Variants in ZRANB1 observed in about 807,000 individuals in gnomAD.
ZRANB1 encodes ubiquitin thioesterase ZRANB1.
Under a neutral mutation model 80.5 loss-of-function variants are expected in ZRANB1, and 16 were observed. That is an observed-to-expected ratio of 0.20 (90% CI 0.13 to 0.30). ZRANB1 has a LOEUF of 0.30. Ranked by LOEUF, ZRANB1 falls within the 10% of genes least tolerant of loss-of-function variation. The pLI is 1.00. For missense variants in ZRANB1, 576 were observed against 862.6 expected (o/e 0.67, Z 4.16); for synonymous variants, 291 against 293.1 (o/e 0.99, Z 0.07).
chr10:124,943,716 G>C (rs1376722037), intron 1 of ZRANB1, among the ~76,000 whole-genome samples: 1 of 152,136 alleles, frequency 6.6e-6, no homozygotes, highest in Non-Finnish European at 1.5e-5. Context: ...CAGTGGAAAC[G>C]TTTAAGTTAA....
chr10:124,939,957 A>G (rs139810040), upstream of ZRANB1, among the ~76,000 whole-genome samples: 3 of 104,972 alleles, frequency 2.9e-5, no homozygotes, highest in East Asian at 1.0e-3. Context: ...ATAATTTTAT[A>G]TTACTTGGAT....
At position 124,942,778 on chromosome 10, in the gene ZRANB1, T is replaced by C; in HGVS notation, c.285T>C (p.Tyr95=). Residue 95 remains tyrosine (Y), a synonymous_variant, in exon 1 of 9, where the codon TAT becomes TAC. Transcript: ENST00000359653. ...ANKWSCHMCT[Y]LNWPRAIRCT... is the part of the protein sequence containing the mutation. ...AGTGGTCATGCCACATGTGTACATA[T>C]TTGAACTGGCCAAGAGCAATCAGAT... 2 of 1,614,238 alleles carry C rather than the reference T, an allele frequency of 1.2e-6. No individual in the cohort carries two copies. The highest frequency in any genetic ancestry group is 1.1e-5 in the South Asian group (1 of 91,084).
At position 124,986,746 on chromosome 10, in the gene ZRANB1, T is replaced by C. The variant is rs1290473098; in HGVS notation, c.*1754T>C. On this transcript the variant is annotated 3_prime_UTR_variant, in exon 9 of 9. Transcript: ENST00000359653. ...CTTAGCATCTGTAGTAATTTCTCTATGTATAGGGATAATTTTTTAGTGGGC... is the reference window on the plus strand; with the variant it reads ...CTTAGCATCTGTAGTAATTTCTCTACGTATAGGGATAATTTTTTAGTGGGC... The C allele has an allele frequency of 1.3e-5, 2 of 152,202 alleles. No individual in the cohort carries two copies. The highest frequency in any genetic ancestry group is 6.5e-5 in the Admixed American group (1 of 15,280). 9.4% of individuals were successfully genotyped at this position (152,202 alleles called of 1,614,324 possible). A position where few individuals can be genotyped will look rare whatever the true frequency, so the allele number is the denominator to read the frequency against.
chr10:124,963,537 G>GTT (rs371266873), intron 1 of ZRANB1, among the ~76,000 whole-genome samples: 13 of 93,450 alleles, frequency 1.4e-4, no homozygotes, highest in Non-Finnish European at 2.3e-4. Context: ...ATATTGTAAG[G>GTT]TTTTTTTTTT....
chr10:124,973,813 T>G, intron 4 of ZRANB1, 97 bp downstream of exon 4: 1 of 1,045,214 alleles, frequency 9.6e-7, no homozygotes, highest in Admixed American at 2.4e-5. Context: ...GTCAACTTGC[T>G]TTATTTTTAT....
rs1952039190 is a variant in ZRANB1 at position 124,986,289 on chromosome 10, GCGCACACACA to G, written c.*1299_*1308del. The G allele has an allele frequency of 4.6e-5, 5 of 108,438 alleles. No individual in the cohort carries two copies. The highest frequency in any genetic ancestry group is 1.8e-4 in the African/African-American group (5 of 27,626). 6.7% of individuals were successfully genotyped at this position (108,438 alleles called of 1,614,324 possible). The stretch of plus-strand genomic sequence containing the variant: ...AAAGACGACACACGCACGCGCGCGC[GCGCACACACA>G]CACACACACACACACACACACACAG... On this transcript the variant is annotated 3_prime_UTR_variant, in exon 9 of 9. Coordinates refer to ENST00000359653, the MANE Select transcript of ZRANB1 (RefSeq NM_017580.3).
At chr10:124,956,586 A>C (rs1480143994) in intron 1 of ZRANB1, among the ~76,000 whole-genome samples, 1 of 152,080 alleles carries the variant, frequency 6.6e-6, no homozygotes, top group Non-Finnish European at 1.5e-5. Context: ...CTTGTGCCTC[A>C]GCCTCCCAAG....
At chr10:124,968,605 G>GT (rs1389227908) in intron 2 of ZRANB1, among the ~76,000 whole-genome samples, 1 of 152,208 alleles carries the variant, frequency 6.6e-6, no homozygotes, top group Non-Finnish European at 1.5e-5. Flanking sequence ...CTGCATTTGT[G>GT]TTGTGGTGCC....
intron 2 of ZRANB1, among the ~76,000 whole-genome samples, chr10:124,971,446 T>TAAC (rs1226712131): frequency 6.6e-6 from 1 of 152,184 alleles, no homozygotes; most frequent in East Asian, 1.9e-4. Context: ...TCAAGAGTGG[T>TAAC]AACAAATGGA....
At chr10:124,974,585 G>C (rs1951858165) in intron 5 of ZRANB1, among the ~76,000 whole-genome samples, 187 bp downstream of exon 5, 1 of 152,198 alleles carries the variant, frequency 6.6e-6, no homozygotes, top group Non-Finnish European at 1.5e-5. Context: ...CCCAAGAAAT[G>C]AGATAAAAGC....
Position 124,960,179 on chromosome 10 carries a change from G to A in ZRANB1, c.815-6415G>A, listed in dbSNP as rs1381281230. Among the ~76,000 whole-genome samples, 3 of 152,234 alleles carry A rather than the reference G, an allele frequency of 2.0e-5. 1 individual carries two copies. The South Asian group carries it at 6.2e-4, about 32-fold the overall frequency. ...ACTTTTGGGGATGGATGCTTGTGGGGCTGTGAGTGTCTACAGAAGCCATGA... is the reference window on the plus strand; with the variant it reads ...ACTTTTGGGGATGGATGCTTGTGGGACTGTGAGTGTCTACAGAAGCCATGA... On this transcript the variant is annotated intron_variant, in intron 1 of 8. Coordinates refer to ENST00000359653, the MANE Select transcript of ZRANB1 (RefSeq NM_017580.3).
chr10:124,974,455 T>A lies in ZRANB1; in HGVS notation c.1427+57T>A, dbSNP rs996345292. 1.9e-6 allele frequency: 3 copies of A among 1,564,838 alleles called. No homozygotes were observed. The African/African-American group carries it at 4.1e-5, about 21-fold the overall frequency. Reference sequence around the variant, plus strand: ...GGAGTGCATTTGCTGGATTATTTCCTTGTAGTGGTGGGATACTTTTTATGT... The same window carrying A: ...GGAGTGCATTTGCTGGATTATTTCCATGTAGTGGTGGGATACTTTTTATGT... On this transcript the variant is annotated intron_variant, in intron 5 of 8. Coordinates refer to ENST00000359653, the MANE Select transcript of ZRANB1 (RefSeq NM_017580.3).
At chr10:124,975,093 C>T (rs944854084) in intron 5 of ZRANB1, among the ~76,000 whole-genome samples, 17 of 152,206 alleles carry the variant, frequency 1.1e-4, no homozygotes, top group African/African-American at 3.9e-4. Context: ...GCTGCCGCAC[C>T]CAGCCTTATT....
rs1038257349 is a variant in ZRANB1, at chr10:124,974,146, A to G, written c.1229-54A>G. 3.8e-6 allele frequency: 6 copies of G among 1,573,892 alleles called. No homozygotes were observed. The African/African-American group carries it at 8.1e-5, about 21-fold the overall frequency. On this transcript the variant is annotated intron_variant, in intron 4 of 8. Transcript: ENST00000359653. ...AAAATAGGTTCTTCTCCCCATGAGTATTCTCTAATGACATAGGTATGGAAA... is the reference window on the plus strand; with the variant it reads ...AAAATAGGTTCTTCTCCCCATGAGTGTTCTCTAATGACATAGGTATGGAAA...
In ZRANB1 at chr10:124,946,834, A is replaced by G. The variant is rs74160980; in HGVS notation, c.814+3527A>G. ...AGAAGTTCACATGTACTCAAAATTA[A>G]TCTTTACGTCCCTTTTCTGCCTGCC... is the stretch of plus-strand genomic sequence containing the variant. On this transcript the variant is annotated intron_variant, in intron 1 of 8. Transcript: ENST00000359653. 3.5e-3 allele frequency among the ~76,000 whole-genome samples: 537 copies of G among 152,326 alleles called. 2 individuals are homozygous for G. The highest frequency in any genetic ancestry group is 0.012 in the African/African-American group (499 of 41,562).
intron 1 of ZRANB1, among the ~76,000 whole-genome samples, chr10:124,946,712 A>C (rs1951587723): frequency 6.6e-6 from 1 of 152,156 alleles, no homozygotes; most frequent in Non-Finnish European, 1.5e-5. Context: ...CCATATTCTG[A>C]TGTGTAAACA....
chr10:124,922,300 A>AAT, the ZRANB1 span, among the ~76,000 whole-genome samples: 752 of 24,750 alleles, frequency 0.03, 18 homozygotes, highest in Non-Finnish European at 0.12. Context: ...ATATATGTAA[A>AAT]ATATATATAT....
intron 6 of ZRANB1, 98 bp downstream of exon 6, chr10:124,981,927 A>G: frequency 6.8e-7 from 1 of 1,463,234 alleles, no homozygotes; most frequent in Non-Finnish European, 9.4e-7. Flanking sequence ...AATGTGGTCA[A>G]AGAAAAGAAT....
the ZRANB1 span, among the ~76,000 whole-genome samples, chr10:124,932,650 T>C: frequency 6.3e-4 from 96 of 152,090 alleles, 1 homozygote; most frequent in Non-Finnish European, 1.3e-4. Context: ...GTGTCAGTGT[T>C]TTGGATTTTA....
Sources: gnomAD v4.1 joint callset for allele counts (sites outside exome capture counted in the v4.1 genomes callset) on GRCh38, gnomAD v4.1.1 for gene constraint, MANE v1.5 for transcripts, NCBI Gene and HGNC (gene_info 2026-07-23, HGNC 2026-07-21) for gene names.